The following ADGRV1 variants were observed in gnomAD, a reference collection of about 807,000 sequenced individuals.
ADGRV1 encodes the protein G-protein coupled receptor 98.
A neutral mutation model predicts 596.2 loss-of-function variants in ADGRV1; 359 were observed. The ratio of observed to expected loss-of-function variants is 0.60; its 90% CI spans 0.55 to 0.66. ADGRV1 has a LOEUF of 0.66. ADGRV1 is among the 30% of genes least tolerant of loss of function. The pLI, the probability that ADGRV1 is intolerant of heterozygous loss-of-function variation, is 0.00. For synonymous variants in ADGRV1, 2,681 were observed against 2,679.2 expected (o/e 1.00, Z -0.02); for missense variants, 7,274 against 7,575.6 (o/e 0.96, Z 1.48).
At chr5:91,082,437 C>T (rs936985279) in intron 86 of ADGRV1, among the ~76,000 whole-genome samples, 5 of 152,106 alleles carry the variant, frequency 3.3e-5, no homozygotes, top group African/African-American at 1.2e-4. Flanking sequence ...AGAGATACTC[C>T]CACTTTGGGC....
At chr5:91,039,483 C>A (rs1191362703) in intron 85 of ADGRV1, among the ~76,000 whole-genome samples, 1 of 152,176 alleles carries the variant, frequency 6.6e-6, no homozygotes, top group Non-Finnish European at 1.5e-5. Context: ...CTCTGATTGT[C>A]CAAGTTGGGT....
chr5:90,900,109 G>A (rs1223907585), intron 83 of ADGRV1, among the ~76,000 whole-genome samples: 1 of 151,986 alleles, frequency 6.6e-6, no homozygotes, highest in African/African-American at 2.4e-5. Context: ...TACAATTTTG[G>A]TAAAGTTTTA....
chr5:90,873,821 A>G (rs1435468170), intron 83 of ADGRV1, among the ~76,000 whole-genome samples: 1 of 149,046 alleles, frequency 6.7e-6, no homozygotes, highest in Non-Finnish European at 1.5e-5. Context: ...AAAAAACCTT[A>G]GTTAACCATA....
chr5:90,669,329 C>A (rs1339371979), intron 21 of ADGRV1, among the ~76,000 whole-genome samples: 1 of 152,136 alleles, frequency 6.6e-6, no homozygotes, highest in East Asian at 1.9e-4. Flanking sequence ...AGTGCCCTAC[C>A]TTCAGGACAG....
rs552747407 is a variant in ADGRV1 at position 90,685,868 on chromosome 5, G to A, written c.6363G>A (p.Gln2121=). 1 of 1,612,080 alleles carries A rather than the reference G, an allele frequency of 6.2e-7. No homozygotes were observed. The highest frequency in any genetic ancestry group is 1.7e-5 in the Admixed American group (1 of 59,890). The change falls in exon 29 of 90, where the codon CAG becomes CAA. Residue 2121 remains glutamine, a synonymous_variant. Coordinates refer to ENST00000405460, the MANE Select transcript of ADGRV1 (RefSeq NM_032119.4). ...ATGATGATGCATTTGGAACTCTTCAGCTCTCAGCACCAATTGTCCGAGTGG... is the reference window on the plus strand; with the variant it reads ...ATGATGATGCATTTGGAACTCTTCAACTCTCAGCACCAATTGTCCGAGTGG... The part of the protein sequence containing the change: ...IANDDAFGTL[Q]LSAPIVRVAE...
chr5:90,966,188 C>G (rs1412775066), intron 84 of ADGRV1, among the ~76,000 whole-genome samples: 2 of 151,974 alleles, frequency 1.3e-5, no homozygotes, highest in African/African-American at 4.8e-5. Flanking sequence ...TGGTGAGTTT[C>G]GTTTGGGACA....
At chr5:90,900,329 CTTT>C (rs76476613) in intron 83 of ADGRV1, among the ~76,000 whole-genome samples, 5 of 127,448 alleles carry the variant, frequency 3.9e-5, no homozygotes, top group Admixed American at 7.9e-5. Flanking sequence ...CATTGCCATT[CTTT>C]TTTTTTTTTT....
At position 90,704,431 on chromosome 5, in the gene ADGRV1, A is replaced by G; in HGVS notation, c.8329A>G (p.Asn2777Asp). Residue 2777 changes from asparagine to aspartate, a missense_variant, in exon 36 of 90, where the codon AAC becomes GAC. Around this residue, in one of 5 missense-constraint regions of ADGRV1, gnomAD observed 3,643 missense variants for 3,809.2 expected, o/e 0.96. Coordinates refer to ENST00000405460, the MANE Select transcript of ADGRV1 (RefSeq NM_032119.4). ...TTLFVHLLDDNIPEEKEVYQV... is the reference protein window; with the variant it reads ...TTLFVHLLDDDIPEEKEVYQV... ...ATTGTTTGTGCATTTGTTGGATGAC[A>G]ACATTCCTGAGGAGAAAGAAGTATA... 6.3e-7 allele frequency: 1 copy of G among 1,583,724 alleles called. No homozygotes were observed. Among genetic ancestry groups the G allele is most frequent in the Non-Finnish European group, 8.6e-7 (1 of 1,163,306 alleles).
intron 83 of ADGRV1, among the ~76,000 whole-genome samples, chr5:90,904,205 T>C (rs4362971): frequency 0.2 from 30,754 of 152,014 alleles, 5,030 homozygotes; most frequent in African/African-American, 0.44. Flanking sequence ...CTATTGTGAG[T>C]AGTGCTGCAA....
intron 70 of ADGRV1, among the ~76,000 whole-genome samples, chr5:90,800,522 C>T (rs1208397781): frequency 6.6e-6 from 1 of 152,156 alleles, no homozygotes; most frequent in East Asian, 1.9e-4. Flanking sequence ...GTGACGATTC[C>T]TCAAGGATCT....
Position 90,756,553 on chromosome 5 carries a change from C to A in ADGRV1, c.11680C>A (p.Pro3894Thr). The stretch of plus-strand genomic sequence containing the variant: ...TACAGGACAGCCAAGTGTGCGGAGG[C>A]CCGGAATGGAAATAGCTGAGATAAT... ...FSTGQPSVRR[P>T]GMEIAEIMIE... The change falls in exon 56 of 90, where the codon CCC becomes ACC. Residue 3894 changes from proline to threonine, a missense_variant. Pro to Thr is a conservative substitution (Grantham distance 38). Coordinates refer to ENST00000405460, the MANE Select transcript of ADGRV1 (RefSeq NM_032119.4). The A allele has an allele frequency of 6.2e-7, 1 of 1,613,418 alleles. No homozygotes were observed. The highest frequency in any genetic ancestry group is 1.1e-5 in the South Asian group (1 of 91,048).
intron 85 of ADGRV1, among the ~76,000 whole-genome samples, chr5:90,986,713 A>G (rs1780528875): frequency 6.6e-6 from 1 of 152,188 alleles, no homozygotes; most frequent in East Asian, 1.9e-4. Flanking sequence ...ATATTCCTAT[A>G]ATCTTCTAAA....
chr5:91,043,077 G>A (rs1179281121), intron 85 of ADGRV1, among the ~76,000 whole-genome samples: 2 of 152,084 alleles, frequency 1.3e-5, no homozygotes, highest in African/African-American at 2.4e-5. Flanking sequence ...GCAATTTCCT[G>A]TTCACCATCT....
At chr5:91,152,211 G>A (rs1796122072) in intron 88 of ADGRV1, among the ~76,000 whole-genome samples, 1 of 152,162 alleles carries the variant, frequency 6.6e-6, no homozygotes. Flanking sequence ...GCAGAGAAGG[G>A]AAAGTACAGG....
At chr5:91,102,469 G>C in intron 87 of ADGRV1, 129 bp downstream of exon 87, 1 of 679,554 alleles carries the variant, frequency 1.5e-6, no homozygotes, top group Middle Eastern at 2.7e-4. Flanking sequence ...ATCATATAGA[G>C]TTGTAAAATA....
At chr5:90,964,756 G>A (rs779457789) in intron 83 of ADGRV1, among the ~76,000 whole-genome samples, 8 of 150,136 alleles carry the variant, frequency 5.3e-5, no homozygotes, top group Non-Finnish European at 8.9e-5. Context: ...AAATTACAAA[G>A]CATGTTAGAA....
At chr5:90,820,437 G>C in intron 75 of ADGRV1, among the ~76,000 whole-genome samples, 1 of 151,062 alleles carries the variant, frequency 6.6e-6, no homozygotes, top group East Asian at 1.9e-4. Flanking sequence ...ATATTGTTAT[G>C]TGTGAATTTG....
Position 90,756,628 on chromosome 5 carries a change from A to C in ADGRV1, c.11755A>C (p.Arg3919=). 6.2e-7 allele frequency: 1 copy of C among 1,611,260 alleles called. No individual in the cohort carries two copies. The highest frequency in any genetic ancestry group is 2.2e-5 in the East Asian group (1 of 44,846). ...PRGIFMFHVT[R]GAGEVITAYE... ...AGGAATTTTTATGTTTCATGTTACT[A>C]GAGTGAGATGAACTTTCATTTGTTT... Residue 3919 remains arginine (R), a splice_region_variant and synonymous_variant, in exon 56 of 90, where the codon AGA becomes CGA. Transcript: ENST00000405460.
chr5:90,622,103 C>G (rs1183414038), intron 4 of ADGRV1, among the ~76,000 whole-genome samples: 1 of 152,158 alleles, frequency 6.6e-6, no homozygotes, highest in Non-Finnish European at 1.5e-5. Context: ...CTTTTGAAGT[C>G]TTTGCTTTCA....
Sources: allele counts gnomAD v4.1 joint callset (sites outside exome capture counted in the v4.1 genomes callset), GRCh38; gene constraint gnomAD v4.1.1; regional missense constraint gnomAD v4.1.1; transcripts MANE v1.5; gene names NCBI Gene and HGNC (gene_info 2026-07-23, HGNC 2026-07-21).